KCNN1: variants seen among roughly 807,000 people sequenced by gnomAD.
The protein encoded by KCNN1 is potassium calcium-activated channel subfamily N member 1.
Under a neutral mutation model 44.7 loss-of-function variants are expected in KCNN1, and 20 were observed. The ratio of observed to expected loss-of-function variants is 0.45; its 90% confidence interval spans 0.32 to 0.65. The LOEUF (loss-of-function observed/expected upper bound fraction) is 0.65. Ranked by LOEUF, KCNN1 falls within the 30% of genes least tolerant of loss-of-function variation. KCNN1 has a pLI of 0.05. For synonymous variants in KCNN1, 324 were observed against 341.7 expected, an observed-to-expected ratio of 0.95 and a Z score of 0.57; for missense variants, 632 against 785.3, an observed-to-expected ratio of 0.80 and a Z score of 2.33.
In KCNN1 at chr19:17,998,603, C is replaced by G. The variant is rs2033086230; in HGVS notation, c.*197C>G. The G allele has an allele frequency of 1.9e-6, 1 of 524,678 alleles. No homozygotes were observed. The highest frequency in any genetic ancestry group is 2.0e-5 in the African/African-American group (1 of 50,550). 32.5% of individuals were successfully genotyped at this position (524,678 alleles called of 1,614,324 possible). A position where few individuals can be genotyped will look rare whatever the true frequency, so the allele number is the denominator to read the frequency against. On this transcript the variant is annotated 3_prime_UTR_variant, in exon 10 of 10. Coordinates refer to ENST00000684775, the MANE Select transcript of KCNN1 (RefSeq NM_001386974.1). The surrounding 1 kb of genome is among the most constrained non-coding windows in gnomAD (Gnocchi z 5.4). ...TGGGTGAGGGCAGGGGAGCCCGGAG[C>G]TTCCTCTGGTCACCTGGTCCCCCGA...
At position 17,999,550 on chromosome 19, in the gene KCNN1, C is replaced by T. The variant is rs116743071; in HGVS notation, c.*1144C>T. 2.6e-3 allele frequency: 415 copies of T among 159,330 alleles called. 1 individual carries two copies. The highest frequency in any genetic ancestry group is 8.6e-3 in the African/African-American group (357 of 41,706). The allele number at this position is 159,330 out of a possible 1,614,324, so 9.9% of individuals were successfully genotyped here. A position where few individuals can be genotyped will look rare whatever the true frequency, so the allele number is the denominator to read the frequency against. ...GGACTCCATGGAGGAGCCATGGGGACGTCAGGAGGAGGGGTTATTTGGTGA... is the reference window on the plus strand; with the variant it reads ...GGACTCCATGGAGGAGCCATGGGGATGTCAGGAGGAGGGGTTATTTGGTGA... On this transcript the variant is annotated 3_prime_UTR_variant, in exon 10 of 10. Coordinates refer to ENST00000684775, the MANE Select transcript of KCNN1 (RefSeq NM_001386974.1).
chr19:17,956,834 A>G (rs1158925666), intron 2 of KCNN1, among the ~76,000 whole-genome samples: 1 of 151,878 alleles, frequency 6.6e-6, no homozygotes, highest in East Asian at 1.9e-4. Context: ...TGGGCGGATA[A>G]TGAGGTCTGG....
chr19:17,985,019 A>G (rs1425759983), intron 4 of KCNN1, among the ~76,000 whole-genome samples: 2 of 149,300 alleles, frequency 1.3e-5, no homozygotes, highest in Non-Finnish European at 3.0e-5. Context: ...GTGGTCACCC[A>G]TCCCCCTGTC....
intron 1 of KCNN1, among the ~76,000 whole-genome samples, chr19:17,968,842 C>T (rs911721999): frequency 3.9e-5 from 6 of 152,116 alleles, no homozygotes; most frequent in Non-Finnish European, 8.8e-5. Context: ...ACCTTCCAAC[C>T]CAAATACACC....
At position 17,998,486 on chromosome 19, in the gene KCNN1, T is replaced by A; in HGVS notation, c.*80T>A. 7.5e-7 allele frequency: 1 copy of A among 1,339,762 alleles called. No individual in the cohort carries two copies. The highest frequency in any genetic ancestry group is 2.6e-5 in the East Asian group (1 of 38,370). The allele number at this position is 1,339,762 out of a possible 1,614,324, so 83.0% of individuals were successfully genotyped here. ...CCGGGAAGCCTTGTACAGTGGCGCC[T>A]CTTGGAGTTCAAGAAGCCAACGCTG... On this transcript the variant is annotated 3_prime_UTR_variant, in exon 10 of 10. Coordinates refer to ENST00000684775, the MANE Select transcript of KCNN1 (RefSeq NM_001386974.1). The surrounding 1 kb of genome is among the most constrained non-coding windows in gnomAD (Gnocchi z 5.4).
At chr19:17,954,331 C>G (rs758847208) in intron 1 of KCNN1, among the ~76,000 whole-genome samples, 7 of 152,134 alleles carry the variant, frequency 4.6e-5, no homozygotes, top group Non-Finnish European at 8.8e-5. Flanking sequence ...GTGGCAGGCA[C>G]CTGTAATCCC....
chr19:17,952,121 G>A (rs1471268440), intron 1 of KCNN1: 1 of 152,154 alleles, frequency 6.6e-6, no homozygotes, highest in Non-Finnish European at 1.5e-5. Context: ...CGGGGGGGAG[G>A]GCCCCGGCTG....
rs2032421077 is a variant in KCNN1 at position 17,981,836 on chromosome 19, G to C, written c.626G>C (p.Trp209Ser). 1 of 1,612,856 alleles carries C rather than the reference G, an allele frequency of 6.2e-7. No individual in the cohort carries two copies. Among genetic ancestry groups the C allele is most frequent in the Non-Finnish European group, 8.5e-7 (1 of 1,179,446 alleles). The change falls in exon 4 of 10, where the codon TGG becomes TCG. Residue 209 changes from tryptophan to serine, a missense_variant. Around this residue, in one of 3 missense-constraint regions of KCNN1, gnomAD observed 160 missense variants for 308.3 expected, o/e 0.52. Transcript: ENST00000684775. ...GTGCCCGGCCACTACCGCTTCACGT[G>C]GACGGCGCGGCTGGCCTTCACGTAC... Reference protein sequence around the residue: ...HPVPGHYRFTWTARLAFTYAP... With the variant: ...HPVPGHYRFTSTARLAFTYAP...
chr19:17,978,317 G>A (rs767741497), intron 3 of KCNN1, among the ~76,000 whole-genome samples: 1 of 151,482 alleles, frequency 6.6e-6, no homozygotes, highest in Non-Finnish European at 1.5e-5. Flanking sequence ...CGTAGAGATG[G>A]GGTTTCACCA....
At chr19:17,985,668 A>C (rs1227389360) in intron 5 of KCNN1, among the ~76,000 whole-genome samples, 3 of 152,126 alleles carry the variant, frequency 2.0e-5, no homozygotes, top group Non-Finnish European at 4.4e-5. Flanking sequence ...GGACATCTCC[A>C]TGCGGTCCTT....
upstream of KCNN1, among the ~76,000 whole-genome samples, chr19:17,963,536 G>A (rs1209349942): frequency 6.6e-5 from 10 of 151,926 alleles, no homozygotes; most frequent in Non-Finnish European, 8.8e-5. Flanking sequence ...GGTTGGTCTC[G>A]AACTCCTGAC....
chr19:17,982,219 C>T (rs948962034), intron 4 of KCNN1, 92 bp downstream of exon 4: 6 of 1,088,332 alleles, frequency 5.5e-6, no homozygotes, highest in African/African-American at 1.6e-5. Flanking sequence ...CCCTGGGCCC[C>T]TCCCGACCCT....
Position 17,981,852 on chromosome 19 carries a change from C to T in KCNN1, c.642C>T (p.Ala214=). 1 of 1,612,832 alleles carries T rather than the reference C, an allele frequency of 6.2e-7. No individual in the cohort carries two copies. Among genetic ancestry groups the T allele is most frequent in the Non-Finnish European group, 8.5e-7 (1 of 1,179,382 alleles). ...HYRFTWTARL[A]FTYAPSVAEA... The stretch of plus-strand genomic sequence containing the variant: ...GCTTCACGTGGACGGCGCGGCTGGC[C>T]TTCACGTACGCGCCCTCGGTGGCCG... Residue 214 remains alanine (A), a synonymous_variant, in exon 4 of 10, where the codon GCC becomes GCT. Coordinates refer to ENST00000684775, the MANE Select transcript of KCNN1 (RefSeq NM_001386974.1).
chr19:17,960,588 C>T (rs1313925056), intron 2 of KCNN1, among the ~76,000 whole-genome samples: 1 of 152,038 alleles, frequency 6.6e-6, no homozygotes, highest in East Asian at 1.9e-4. Context: ...CAGGATCTCA[C>T]CACTGCACTC....
intron 2 of KCNN1, among the ~76,000 whole-genome samples, chr19:17,955,037 C>CAAAA (rs34300645): frequency 1.0e-5 from 1 of 96,668 alleles, no homozygotes; most frequent in Non-Finnish European, 2.0e-5. Context: ...AGCTCTGTTT[C>CAAAA]AAAAAAAAAA....
intron 7 of KCNN1, chr19:17,990,099 C>G (rs751254395): frequency 2.0e-5 from 13 of 650,040 alleles, no homozygotes; most frequent in Non-Finnish European, 3.4e-5. Context: ...ATAATTCTTA[C>G]CCTTTAGACT....
rs1232868427 is a variant in KCNN1, at chr19:17,955,792, GC to G, written c.-82+1117del. Among the ~76,000 whole-genome samples, 138 of 66,850 alleles carry G rather than the reference GC, an allele frequency of 2.1e-3. 1 individual carries two copies. Among genetic ancestry groups the G allele is most frequent in the Non-Finnish European group, 3.6e-3 (117 of 32,672 alleles). The allele number at this position is 66,850 out of a possible 152,430, so 43.9% of individuals were successfully genotyped here. On this transcript the variant is annotated intron_variant, in intron 2 of 10. Coordinates refer to the KCNN1 transcript ENST00000222249. ...GCTCTGTCCCACCACTCCCGCCCCC[GC>G]CCCCCACACACAGCCTCTACTTCCC...
chr19:17,982,196 A>G (rs1599366221), intron 4 of KCNN1, 69 bp downstream of exon 4: 1 of 1,246,884 alleles, frequency 8.0e-7, no homozygotes, highest in Non-Finnish European at 1.1e-6. Context: ...ATGCCCATTC[A>G]TGATTTCACC....
chr19:17,959,173 C>T (rs928347195), intron 2 of KCNN1, among the ~76,000 whole-genome samples: 5 of 151,842 alleles, frequency 3.3e-5, no homozygotes, highest in African/African-American at 7.3e-5. Context: ...TATACGCGTG[C>T]GCCACCACAC....
Sources: allele counts gnomAD v4.1 joint callset (sites outside exome capture counted in the v4.1 genomes callset), GRCh38; gene constraint gnomAD v4.1.1; regional missense constraint gnomAD v4.1.1; non-coding constraint Gnocchi (gnomAD v3.1); transcripts MANE v1.5; gene names NCBI Gene and HGNC (gene_info 2026-07-23, HGNC 2026-07-21).